KIAA0319L: variants seen among roughly 807,000 people sequenced by gnomAD.
The protein encoded by KIAA0319L is KIAA0319 like.
A neutral mutation model predicts 120.1 loss-of-function variants in KIAA0319L; 55 were observed. The ratio of observed to expected loss-of-function variants is 0.46; its 90% CI spans 0.37 to 0.57. The LOEUF is 0.57. Among genes scored for constraint, KIAA0319L ranks in the 20% least tolerant of loss-of-function variants. The probability of loss-of-function intolerance (pLI) is 0.00; values close to 1 mark genes in which losing one functional copy is unlikely to be tolerated. For missense variants in KIAA0319L, 1,049 were observed against 1,255.3 expected, an observed-to-expected ratio of 0.84 and a Z score of 2.48; for synonymous variants, 398 against 471.9, an observed-to-expected ratio of 0.84 and a Z score of 2.03.
intron 2 of KIAA0319L, among the ~76,000 whole-genome samples, chr1:35,519,185 C>A (rs1167914798): frequency 3.3e-5 from 5 of 151,770 alleles, no homozygotes; most frequent in South Asian, 2.1e-4. Flanking sequence ...TCCCTGGGAA[C>A]GTGAAATTTT....
chr1:35,450,136 G>A (rs1408846654), intron 14 of KIAA0319L, 131 bp from the exon 15 acceptor site: 2 of 1,148,136 alleles, frequency 1.7e-6, no homozygotes, highest in Admixed American at 1.9e-5. Context: ...TCCTGATACG[G>A]AACAGCATTG....
Position 35,470,909 on chromosome 1 carries a change from C to G in KIAA0319L, c.1067G>C (p.Ser356Thr). The change falls in exon 6 of 21, where the codon AGT becomes ACT. Residue 356 changes from serine to threonine, a missense_variant. Transcript: ENST00000325722. ...GGAATGTTTCCCTTCCATTTCTCCA[C>G]TGTAGTCTCTAGGATGAGTAATCAG... ...WQLITHPRDYSGEMEGKHSQI... is the reference protein window; with the variant it reads ...WQLITHPRDYTGEMEGKHSQI... 6.2e-7 allele frequency: 1 copy of G among 1,613,748 alleles called. No individual in the cohort carries two copies. Among genetic ancestry groups the G allele is most frequent in the Non-Finnish European group, 8.5e-7 (1 of 1,179,596 alleles).
chr1:35,530,798 G>T lies in KIAA0319L; in HGVS notation c.142+23552C>A, dbSNP rs1646334780. Among the ~76,000 whole-genome samples, 3 of 152,084 alleles carry T rather than the reference G, an allele frequency of 2.0e-5. No homozygotes were observed. The South Asian group carries it at 6.2e-4, about 32-fold the overall frequency. On this transcript the variant is annotated intron_variant, in intron 2 of 20. Transcript: ENST00000325722. ...GTAGGGCACTTTGGCTTTGATTCTG[G>T]ATGCATGCGGCAGTGTAGTCTCCAT... is the stretch of plus-strand genomic sequence containing the variant.
At chr1:35,457,943 G>GT (rs1188256516) in intron 9 of KIAA0319L, among the ~76,000 whole-genome samples, 1 of 151,616 alleles carries the variant, frequency 6.6e-6, no homozygotes, top group Non-Finnish European at 1.5e-5. Flanking sequence ...TTTTTGTTTT[G>GT]TTTTTTTTCT....
In KIAA0319L at chr1:35,444,267, G is replaced by C. The variant is rs761779434; in HGVS notation, c.2550C>G (p.Pro850=). 6.2e-6 allele frequency: 10 copies of C among 1,608,976 alleles called. No homozygotes were observed. The highest frequency in any genetic ancestry group is 8.5e-6 in the Non-Finnish European group (10 of 1,177,982). ...CCTCATGGCCTTTGAAGATCTGGTG[G>C]GGAGGCTCGTTTTGAACAAAAAATA... ...KMVFFVQNEP[P]HQIFKGHEVA... Residue 850 remains proline (P), a synonymous_variant, in exon 17 of 21, where the codon CCC becomes CCG. Transcript: ENST00000325722.
intron 19 of KIAA0319L, 151 bp from the exon 20 acceptor site, chr1:35,441,289 C>T (rs1641197746): frequency 1.4e-6 from 1 of 695,446 alleles, no homozygotes. Flanking sequence ...AAGGTGGCAA[C>T]TGTGATTTGT....
intron 16 of KIAA0319L, 144 bp from the exon 17 acceptor site, chr1:35,444,447 TG>T: frequency 1.3e-6 from 1 of 765,846 alleles, no homozygotes; most frequent in South Asian, 2.6e-5. Context: ...GTGAGAAAGG[TG>T]TTATCAGGGT....
At chr1:35,489,232 A>AT (rs1170554073) in intron 3 of KIAA0319L, among the ~76,000 whole-genome samples, 2 of 152,280 alleles carry the variant, frequency 1.3e-5, no homozygotes, top group Non-Finnish European at 2.9e-5. Flanking sequence ...ACAAAAAAAA[A>AT]CATGGTGGAC....
intron 2 of KIAA0319L, among the ~76,000 whole-genome samples, chr1:35,509,483 G>A (rs1414827384): frequency 1.3e-5 from 2 of 152,188 alleles, no homozygotes; most frequent in African/African-American, 2.4e-5. Context: ...TGGAGAAAAC[G>A]ACATGTGATG....
At chr1:35,470,802 C>A in intron 6 of KIAA0319L, 61 bp downstream of exon 6, 6 of 992,902 alleles carry the variant, frequency 6.0e-6, no homozygotes, top group Non-Finnish European at 9.8e-6. Flanking sequence ...ATATGATATT[C>A]ATTTTAGAAA....
rs1211608201 is a variant in KIAA0319L at position 35,453,057 on chromosome 1, A to G, written c.1913+500T>C. ...GTTAGGTAATTTCTATGTAATTAGA[A>G]TTATTTTGATTACCGCCTTTGGCCT... On this transcript the variant is annotated intron_variant, in intron 12 of 20. Transcript: ENST00000325722. The surrounding 1 kb of genome is among the most constrained non-coding windows in gnomAD (Gnocchi z 4.1). Among the ~76,000 whole-genome samples, 2 of 152,236 alleles carry G rather than the reference A, an allele frequency of 1.3e-5. No individual in the cohort carries two copies. Among genetic ancestry groups the G allele is most frequent in the Admixed American group, 6.5e-5 (1 of 15,274 alleles).
chr1:35,495,620 A>C (rs1261839374), intron 3 of KIAA0319L, among the ~76,000 whole-genome samples: 1 of 152,042 alleles, frequency 6.6e-6, no homozygotes, highest in Admixed American at 6.6e-5. Context: ...AGAAAATAAC[A>C]CAGTTTTTTT....
At position 35,496,141 on chromosome 1, in the gene KIAA0319L, C is replaced by T. The variant is rs61161002; in HGVS notation, c.666+10471G>A. On this transcript the variant is annotated intron_variant, in intron 3 of 20. Coordinates refer to ENST00000325722, the MANE Select transcript of KIAA0319L (RefSeq NM_024874.5). ...TTAAATATACCCATACAATATAGGCCGGTTATGGTGGCTCACGCCTGTAAT... is the reference window on the plus strand; with the variant it reads ...TTAAATATACCCATACAATATAGGCTGGTTATGGTGGCTCACGCCTGTAAT... 1.7e-3 allele frequency among the ~76,000 whole-genome samples: 261 copies of T among 152,084 alleles called. 2 individuals carry two copies. The highest frequency in any genetic ancestry group is 6.0e-3 in the African/African-American group (248 of 41,402).
In KIAA0319L at chr1:35,472,338, C is replaced by T. The variant is rs770686083; in HGVS notation, c.1016-1378G>A. Among the ~76,000 whole-genome samples, 81 of 152,336 alleles carry T rather than the reference C, an allele frequency of 5.3e-4. 1 individual carries two copies. Among genetic ancestry groups the T allele is most frequent in the Admixed American group, 1.2e-3 (19 of 15,300 alleles). Reference sequence around the variant, plus strand: ...AGATGAAGTCTTGCTGTTGCCCAGGCTGGAGTGCAGTGGTGCAATCTCAGC... The same window carrying T: ...AGATGAAGTCTTGCTGTTGCCCAGGTTGGAGTGCAGTGGTGCAATCTCAGC... On this transcript the variant is annotated intron_variant, in intron 5 of 20. Transcript: ENST00000325722.
intron 2 of KIAA0319L, among the ~76,000 whole-genome samples, chr1:35,513,288 A>ATTTTTTT (rs67198806): frequency 5.9e-5 from 5 of 85,300 alleles, no homozygotes; most frequent in African/African-American, 1.7e-4. Context: ...ATATATATAT[A>ATTTTTTT]TTTTTTTTTT....
intron 2 of KIAA0319L, among the ~76,000 whole-genome samples, chr1:35,531,733 C>A (rs1646378140): frequency 6.6e-6 from 1 of 152,198 alleles, no homozygotes; most frequent in Non-Finnish European, 1.5e-5. Flanking sequence ...GGGTTATCCA[C>A]CTCGCTTCCC....
chr1:35,456,815 AAAAAAG>A (rs1642485974), intron 9 of KIAA0319L, among the ~76,000 whole-genome samples: 1 of 150,764 alleles, frequency 6.6e-6, no homozygotes, highest in Non-Finnish European at 1.5e-5. Context: ...CATTTAAAAA[AAAAAAG>A]AAAAAGGAAG....
intron 2 of KIAA0319L, among the ~76,000 whole-genome samples, chr1:35,522,743 C>T (rs766991989): frequency 5.5e-4 from 84 of 151,712 alleles, no homozygotes; most frequent in Non-Finnish European, 1.1e-3. Flanking sequence ...ATGGGCCGGG[C>T]GCGGGGGCTC....
At chr1:35,545,046 TGA>T (rs1437646889) in intron 2 of KIAA0319L, among the ~76,000 whole-genome samples, 1 of 151,978 alleles carries the variant, frequency 6.6e-6, no homozygotes, top group Non-Finnish European at 1.5e-5. Context: ...GGTAAGAATT[TGA>T]GAGGAAGGAG....
Sources: allele counts gnomAD v4.1 joint callset (sites outside exome capture counted in the v4.1 genomes callset), GRCh38; gene constraint gnomAD v4.1.1; non-coding constraint Gnocchi (gnomAD v3.1); transcripts MANE v1.5; gene names NCBI Gene and HGNC (gene_info 2026-07-23, HGNC 2026-07-21).